F11: variants seen among roughly 807,000 people sequenced by gnomAD.
The protein encoded by F11 is coagulation factor XI.
In F11, 78 loss-of-function variants were observed where a neutral mutation model predicts 76.5. That is an observed-to-expected ratio of 1.02 (90% CI 0.85 to 1.23). F11 has a LOEUF of 1.23. F11 is among the 50% of genes most tolerant of loss of function. The pLI is 0.00. For missense variants in F11, 742 were observed against 771.4 expected (o/e 0.96, Z 0.45); for synonymous variants, 278 against 276.3 (o/e 1.01, Z -0.06).
At chr4:186,286,208 G>T in intron 12 of F11, 1 of 569,102 alleles carries the variant, frequency 1.8e-6, no homozygotes, top group Non-Finnish European at 3.1e-6. Flanking sequence ...AGCGGTGAGG[G>T]TGAGGCTTGT....
At position 186,287,745 on chromosome 4, in the gene F11, G is replaced by C; in HGVS notation, c.1638G>C (p.Gln546His). ...CCTTAGTGACCAACGAAGAGTGCCA[G>C]AAGAGATACAGAGGACATAAAATAA... ...KIPLVTNEEC[Q>H]KRYRGHKITH... Residue 546 changes from glutamine to histidine, a missense_variant, in exon 14 of 15, where the codon CAG (glutamine) becomes CAC (histidine). Coordinates refer to ENST00000403665, the MANE Select transcript of F11 (RefSeq NM_000128.4). 1 of 1,613,770 alleles carries C rather than the reference G, an allele frequency of 6.2e-7. No individual in the cohort carries two copies. Among genetic ancestry groups the C allele is most frequent in the Non-Finnish European group, 8.5e-7 (1 of 1,179,842 alleles).
chr4:186,274,090 C>T (rs1006785143), intron 4 of F11, 26 bp from the exon 5 acceptor site: 1 of 1,614,004 alleles, frequency 6.2e-7, no homozygotes, highest in Non-Finnish European at 8.5e-7. Context: ...CTGGAAGGTA[C>T]TCATGTCTTC....
chr4:186,279,945 A>G, intron 7 of F11, 67 bp from the exon 8 acceptor site: 1 of 1,183,872 alleles, frequency 8.4e-7, no homozygotes, highest in Non-Finnish European at 1.3e-6. Context: ...TACTTTCTCT[A>G]GGTGCTGTAA....
chr4:186,276,861 T>C (rs2126743132), intron 7 of F11, among the ~76,000 whole-genome samples: 1 of 152,256 alleles, frequency 6.6e-6, no homozygotes, highest in Admixed American at 6.5e-5. Context: ...AGTGCTGAGA[T>C]TACAGGGTTG....
chr4:186,273,927 G>T (rs1740171062), intron 4 of F11, among the ~76,000 whole-genome samples, 189 bp from the exon 5 acceptor site: 1 of 152,172 alleles, frequency 6.6e-6, no homozygotes, highest in African/African-American at 2.4e-5. Context: ...AATTGTTACA[G>T]TGTAAGAAGG....
intron 2 of F11, among the ~76,000 whole-genome samples, chr4:186,270,344 A>G (rs142681159): frequency 1.2e-3 from 179 of 152,304 alleles, no homozygotes; most frequent in African/African-American, 4.0e-3. Flanking sequence ...TTTTTAAAAA[A>G]TTGTATCTGT....
chr4:186,277,008 T>C (rs1740438680), intron 7 of F11, among the ~76,000 whole-genome samples: 1 of 152,084 alleles, frequency 6.6e-6, no homozygotes, highest in African/African-American at 2.4e-5. Context: ...TGTAGCCAAA[T>C]AGTATACATT....
intron 10 of F11, chr4:186,282,108 A>G (rs1580094228): frequency 8.6e-7 from 1 of 1,168,726 alleles, no homozygotes; most frequent in East Asian, 6.0e-5. Context: ...GTTAGAAGGG[A>G]CACTTAGCAA....
intron 7 of F11, among the ~76,000 whole-genome samples, chr4:186,279,382 C>CA (rs35203561): frequency 0.08 from 11,407 of 143,204 alleles, 557 homozygotes; most frequent in African/African-American, 0.14. Context: ...GACTATGTCT[C>CA]AAAAAAAAAA....
At chr4:186,281,142 C>A (rs757152103) in intron 10 of F11, among the ~76,000 whole-genome samples, 4 of 152,162 alleles carry the variant, frequency 2.6e-5, no homozygotes, top group Non-Finnish European at 5.9e-5. Context: ...CAGGCTTCAG[C>A]CACTGCACCC....
chr4:186,273,306 C>T (rs1740119449), intron 4 of F11, 129 bp downstream of exon 4: 2 of 776,132 alleles, frequency 2.6e-6, no homozygotes, highest in Non-Finnish European at 4.6e-6. Flanking sequence ...GAAGTTCTTT[C>T]AGTGTAGAGT....
rs1468912537 is a variant in F11, at chr4:186,285,782, G to A, written c.1449G>A (p.Leu483=). 6 of 1,614,168 alleles carry A rather than the reference G, an allele frequency of 3.7e-6. No individual in the cohort carries two copies. Among genetic ancestry groups the A allele is most frequent in the African/African-American group, 1.3e-5 (1 of 75,044 alleles). Residue 483 remains leucine (L), a synonymous_variant, in exon 12 of 15, where the codon TTG becomes TTA. Coordinates refer to ENST00000403665, the MANE Select transcript of F11 (RefSeq NM_000128.4). ...CAGAAAGCGGGTATGATATTGCCTTGTTGAAACTGGAAACCACAGTGAATT... is the reference window on the plus strand; with the variant it reads ...CAGAAAGCGGGTATGATATTGCCTTATTGAAACTGGAAACCACAGTGAATT... ...KMAESGYDIA[L]LKLETTVNYT... is the part of the protein sequence containing the mutation.
rs1309805530 is a variant in F11 at position 186,280,210 on chromosome 4, G to A, written c.866-13G>A. The A allele has an allele frequency of 6.2e-7, 1 of 1,614,132 alleles. No individual in the cohort carries two copies. Among genetic ancestry groups the A allele is most frequent in the Non-Finnish European group, 8.5e-7 (1 of 1,180,026 alleles). On this transcript the variant is annotated splice_polypyrimidine_tract_variant and intron_variant, in intron 8 of 14. Transcript: ENST00000403665. ...AGGGAGGGTCTCACTCTGACATGTG[G>A]TCTGCTGTCTAGTGTTCTGCCATTC...
At chr4:186,272,756 A>T (rs2126725162) in intron 3 of F11, among the ~76,000 whole-genome samples, 1 of 152,394 alleles carries the variant, frequency 6.6e-6, no homozygotes, top group Non-Finnish European at 1.5e-5. Flanking sequence ...TAACAATTTG[A>T]AAATATAAAA....
intron 10 of F11, 82 bp from the exon 11 acceptor site, chr4:186,284,010 T>C: frequency 6.2e-7 from 1 of 1,608,628 alleles, no homozygotes; most frequent in Non-Finnish European, 8.5e-7. Flanking sequence ...GAGGAAAGGT[T>C]TTCTTCTTGT....
chr4:186,286,149 G>C, intron 12 of F11: 1 of 523,062 alleles, frequency 1.9e-6, no homozygotes, highest in South Asian at 2.1e-5. Context: ...TTGAAGGTTA[G>C]AACAATTAAG....
chr4:186,268,606 A>T (rs930872969), intron 2 of F11, among the ~76,000 whole-genome samples: 3 of 151,998 alleles, frequency 2.0e-5, no homozygotes, highest in Non-Finnish European at 2.9e-5. Flanking sequence ...TTGAGTATTT[A>T]TAATCACCGT....
At chr4:186,271,913 G>C in intron 3 of F11, 142 bp downstream of exon 3, 1 of 1,024,874 alleles carries the variant, frequency 9.8e-7, no homozygotes, top group Non-Finnish European at 1.5e-6. Context: ...TATTGTTACA[G>C]AAAGAAGTGA....
intron 3 of F11, among the ~76,000 whole-genome samples, chr4:186,272,271 C>T (rs1002617006): frequency 2.6e-5 from 4 of 152,060 alleles, no homozygotes; most frequent in Non-Finnish European, 4.4e-5. Flanking sequence ...CATGTTTAAC[C>T]GTTTGAAATA....
Sources: allele counts gnomAD v4.1 joint callset (sites outside exome capture counted in the v4.1 genomes callset), GRCh38; gene constraint gnomAD v4.1.1; transcripts MANE v1.5; gene names NCBI Gene and HGNC (gene_info 2026-07-23, HGNC 2026-07-21).